LOXL2: variants seen among roughly 807,000 people sequenced by gnomAD.
LOXL2 encodes the protein lysyl oxidase homolog 2.
In LOXL2, 70 loss-of-function variants were observed where a neutral mutation model predicts 93.0. That is an observed-to-expected ratio of 0.75 (90% CI 0.62 to 0.92). The LOEUF (loss-of-function observed/expected upper bound fraction) is 0.92. Among genes scored for constraint, LOXL2 ranks in the 40% least tolerant of loss-of-function variants. LOXL2 has a pLI of 0.00. For synonymous variants in LOXL2, 438 were observed against 413.2 expected (o/e 1.06, Z -0.73); for missense variants, 973 against 1,054.9 (o/e 0.92, Z 1.08).
At chr8:23,328,615 C>T (rs771354788) in intron 5 of LOXL2, 50 bp from the exon 6 acceptor site, 80 of 1,571,482 alleles carry the variant, frequency 5.1e-5, no homozygotes, top group Non-Finnish European at 6.2e-5. Context: ...GCACGTTCAG[C>T]GGGTGACCAC....
At chr8:23,401,520 A>G (rs1375495806) in intron 1 of LOXL2, among the ~76,000 whole-genome samples, 1 of 152,254 alleles carries the variant, frequency 6.6e-6, no homozygotes, top group Non-Finnish European at 1.5e-5. Flanking sequence ...CTTCAATGAC[A>G]GAAACAAAGG....
intron 9 of LOXL2, among the ~76,000 whole-genome samples, chr8:23,313,197 G>T (rs199915154): frequency 6.7e-6 from 1 of 149,574 alleles, no homozygotes; most frequent in African/African-American, 2.5e-5. Context: ...GGAAGAATCA[G>T]TATCGTGAAA....
chr8:23,368,202 G>A lies in LOXL2; in HGVS notation c.150C>T (p.Pro50=), dbSNP rs535492298. Residue 50 remains proline, a synonymous_variant, in exon 2 of 14, where the codon CCC becomes CCT. Transcript: ENST00000389131. ...PAPEYHQPQA[P]ANVAKIQLRL... is the part of the protein sequence containing the mutation. Reference sequence around the variant, plus strand: ...GCAGCTGAATCTTGGCCACGTTGGCGGGGGCCTGGGGCTGGTGATACTCAG... The same window carrying A: ...GCAGCTGAATCTTGGCCACGTTGGCAGGGGCCTGGGGCTGGTGATACTCAG... 9.3e-6 allele frequency: 15 copies of A among 1,614,016 alleles called. No individual in the cohort carries two copies. The African/African-American group carries it at 9.3e-5, about 10-fold the overall frequency.
chr8:23,368,814 T>G (rs1367006454), intron 1 of LOXL2, among the ~76,000 whole-genome samples: 1 of 151,992 alleles, frequency 6.6e-6, no homozygotes, highest in Non-Finnish European at 1.5e-5. Context: ...GAAGGGAGCC[T>G]GCGGGGGTGA....
intron 3 of LOXL2, among the ~76,000 whole-genome samples, chr8:23,359,749 G>C (rs1383870687): frequency 6.6e-6 from 1 of 152,204 alleles, no homozygotes; most frequent in African/African-American, 2.4e-5. Flanking sequence ...GCAAGCTCCT[G>C]AGCATGGCAC....
intron 3 of LOXL2, among the ~76,000 whole-genome samples, chr8:23,355,809 A>C (rs997907162): frequency 6.6e-6 from 1 of 151,700 alleles, no homozygotes. Flanking sequence ...CGGTCTTGCC[A>C]TATTGCCCAG....
intron 1 of LOXL2, among the ~76,000 whole-genome samples, chr8:23,394,732 C>G (rs1314422561): frequency 6.6e-6 from 1 of 151,836 alleles, no homozygotes; most frequent in African/African-American, 2.4e-5. Flanking sequence ...CTATATGACC[C>G]AGCAACCCCC....
chr8:23,342,115 C>A (rs1243923849), intron 3 of LOXL2, among the ~76,000 whole-genome samples: 1 of 152,284 alleles, frequency 6.6e-6, no homozygotes, highest in East Asian at 1.9e-4. Flanking sequence ...TGCCTCCCTG[C>A]CACGTGGGTG....
chr8:23,301,851 C>G (rs1311032143), intron 12 of LOXL2, among the ~76,000 whole-genome samples, 176 bp downstream of exon 12: 2 of 152,192 alleles, frequency 1.3e-5, no homozygotes, highest in Non-Finnish European at 2.9e-5. Context: ...TCTCAGGCCC[C>G]CATGCCTGAT....
chr8:23,332,190 A>C (rs28591363), intron 5 of LOXL2, among the ~76,000 whole-genome samples: 113,600 of 141,800 alleles, frequency 0.8, 45,446 homozygotes, highest in South Asian at 0.87. Flanking sequence ...ACACACACAC[A>C]CACCCCACAC....
intron 1 of LOXL2, among the ~76,000 whole-genome samples, chr8:23,393,000 A>T (rs1800030847): frequency 1.3e-5 from 2 of 152,264 alleles, no homozygotes; most frequent in Non-Finnish European, 2.9e-5. Flanking sequence ...TAAATTTAAC[A>T]AAAGAAATAT....
chr8:23,395,410 T>C (rs1251960072), intron 1 of LOXL2, among the ~76,000 whole-genome samples: 2 of 151,740 alleles, frequency 1.3e-5, no homozygotes, highest in Non-Finnish European at 2.9e-5. Flanking sequence ...GATTAGTGGC[T>C]GTTTAAGGCT....
At chr8:23,325,464 A>G (rs1389091835) in intron 6 of LOXL2, among the ~76,000 whole-genome samples, 1 of 152,060 alleles carries the variant, frequency 6.6e-6, no homozygotes, top group Non-Finnish European at 1.5e-5. Context: ...TAATTTTTAA[A>G]AAAATTTTGT....
intron 12 of LOXL2, 137 bp downstream of exon 12, chr8:23,301,890 G>A: frequency 9.7e-7 from 1 of 1,034,024 alleles, no homozygotes; most frequent in Non-Finnish European, 1.4e-6. Flanking sequence ...GGACCGTGAT[G>A]GCCTCTGGGG....
At chr8:23,349,037 T>G (rs886354652) in intron 3 of LOXL2, among the ~76,000 whole-genome samples, 1 of 152,114 alleles carries the variant, frequency 6.6e-6, no homozygotes, top group African/African-American at 2.4e-5. Context: ...TGAGGGATGC[T>G]CCTGCCTCTA....
At chr8:23,328,632 C>T (rs779867593) in intron 5 of LOXL2, 67 bp from the exon 6 acceptor site, 9 of 1,492,314 alleles carry the variant, frequency 6.0e-6, no homozygotes, top group Middle Eastern at 1.7e-4. Context: ...CCACTGTCCC[C>T]GCCCCCTCCC....
chr8:23,310,702 ACT>A, intron 9 of LOXL2, among the ~76,000 whole-genome samples: 1 of 152,208 alleles, frequency 6.6e-6, no homozygotes, highest in South Asian at 2.1e-4. Context: ...TCTGATTCCT[ACT>A]GCCAAATTGC....
At chr8:23,340,323 C>T (rs1423169565) in intron 4 of LOXL2, among the ~76,000 whole-genome samples, 1 of 152,118 alleles carries the variant, frequency 6.6e-6, no homozygotes, top group Non-Finnish European at 1.5e-5. Flanking sequence ...ACCCCATGAC[C>T]AACCAAGTAT....
chr8:23,387,064 C>T (rs1285585828), intron 1 of LOXL2, among the ~76,000 whole-genome samples: 1 of 152,108 alleles, frequency 6.6e-6, no homozygotes, highest in Non-Finnish European at 1.5e-5. Flanking sequence ...ATTAAAGGGA[C>T]AAGGCAAGGT....
Sources: allele counts gnomAD v4.1 joint callset (sites outside exome capture counted in the v4.1 genomes callset), GRCh38; gene constraint gnomAD v4.1.1; transcripts MANE v1.5; gene names NCBI Gene and HGNC (gene_info 2026-07-23, HGNC 2026-07-21).